ADCY4: variants seen among roughly 807,000 people sequenced by gnomAD.
The protein encoded by ADCY4 is adenylate cyclase 4.
In ADCY4, 111 loss-of-function variants were observed where a neutral mutation model predicts 125.5. The ratio of observed to expected loss-of-function variants is 0.88; its 90% CI spans 0.76 to 1.04. ADCY4 has a LOEUF of 1.04. ADCY4 is among the 50% of genes least tolerant of loss of function. The probability of loss-of-function intolerance (pLI) is 0.00; values close to 1 mark genes in which losing one functional copy is unlikely to be tolerated. For synonymous variants in ADCY4, 576 were observed against 586.9 expected, an observed-to-expected ratio of 0.98 and a Z score of 0.27; for missense variants, 1,256 against 1,382.9, an observed-to-expected ratio of 0.91 and a Z score of 1.46.
At chr14:24,321,037 C>G (rs2041842210) in intron 20 of ADCY4, among the ~76,000 whole-genome samples, 1 of 149,924 alleles carries the variant, frequency 6.7e-6, no homozygotes, top group Admixed American at 6.6e-5. Context: ...TGAAACTGTT[C>G]TACTTCAGAT....
intron 1 of ADCY4, among the ~76,000 whole-genome samples, chr14:24,333,648 A>G (rs2139229883): frequency 6.6e-6 from 1 of 152,348 alleles, no homozygotes; most frequent in African/African-American, 2.4e-5. Flanking sequence ...AGCGTCATGA[A>G]GCAAGTGAAA....
chr14:24,331,474 C>A, intron 4 of ADCY4, 118 bp from the exon 5 acceptor site: 1 of 1,385,416 alleles, frequency 7.2e-7, no homozygotes, highest in Admixed American at 2.1e-5. Flanking sequence ...GGTGCTCCCC[C>A]AGGTCCTCCC....
rs1204864885 is a variant in ADCY4, at chr14:24,319,055, G to A, written c.2956+43C>T. ...ACTTGGAGTGGGGCAAGCTCAGGAA[G>A]GTGAGGAGGTACCAGACTGCTGCAG... On this transcript the variant is annotated intron_variant, in intron 23 of 24. Coordinates refer to ENST00000418030, the MANE Select transcript of ADCY4 (RefSeq NM_001198568.2). The surrounding 1 kb of genome is among the most constrained non-coding windows in gnomAD (Gnocchi z 4.5). The A allele has an allele frequency of 2.5e-6, 4 of 1,603,776 alleles. No individual in the cohort carries two copies. Among genetic ancestry groups the A allele is most frequent in the Non-Finnish European group, 3.4e-6 (4 of 1,171,340 alleles).
In ADCY4 at chr14:24,324,287, C is replaced by T; in HGVS notation, c.1908+20G>A. ...GACCAGGGCTCCGGCATACCACTTC[C>T]ACCCCTCAGCCCACCTCACCATCAG... On this transcript the variant is annotated intron_variant, in intron 15 of 24. Coordinates refer to ENST00000418030, the MANE Select transcript of ADCY4 (RefSeq NM_001198568.2). 2 of 1,614,030 alleles carry T rather than the reference C, an allele frequency of 1.2e-6. No individual in the cohort carries two copies. Among genetic ancestry groups the T allele is most frequent in the Middle Eastern group, 3.3e-4 (2 of 6,062 alleles).
chr14:24,328,141 A>G (rs886262187), intron 10 of ADCY4, among the ~76,000 whole-genome samples: 1 of 150,838 alleles, frequency 6.6e-6, no homozygotes, highest in African/African-American at 2.4e-5. Flanking sequence ...GCATCTGGGA[A>G]GACGCCCGTC....
intron 11 of ADCY4, 41 bp downstream of exon 11, chr14:24,326,258 T>C: frequency 6.2e-7 from 1 of 1,613,740 alleles, no homozygotes; most frequent in South Asian, 1.1e-5. Flanking sequence ...GAGGGGGTCA[T>C]CCAGACAGCC....
intron 5 of ADCY4, 23 bp from the exon 6 acceptor site, chr14:24,331,152 G>T: frequency 6.2e-7 from 1 of 1,612,884 alleles, no homozygotes; most frequent in South Asian, 1.1e-5. Context: ...GACTGTGTCA[G>T]CAGGGCCAGG....
chr14:24,326,121 T>A lies in ADCY4; in HGVS notation c.1613A>T (p.Asp538Val). The A allele has an allele frequency of 6.3e-7, 1 of 1,588,430 alleles. No homozygotes were observed. Among genetic ancestry groups the A allele is most frequent in the Non-Finnish European group, 8.6e-7 (1 of 1,165,040 alleles). The change falls in exon 12 of 25, where the codon GAT becomes GTT. Residue 538 changes from aspartate (D) to valine (V), a missense_variant. Coordinates refer to ENST00000418030, the MANE Select transcript of ADCY4 (RefSeq NM_001198568.2). The part of the protein sequence containing the change: ...RGLDDELDTG[D>V]AKFFQVIEQL... Reference sequence around the variant, plus strand: ...CTCAATGACCTGGAAGAACTTGGCATCCCCGGTGTCCAGTTCATCATCTAG... The same window carrying A: ...CTCAATGACCTGGAAGAACTTGGCAACCCCGGTGTCCAGTTCATCATCTAG...
At chr14:24,333,313 C>A (rs566037262) in intron 1 of ADCY4, among the ~76,000 whole-genome samples, 1 of 152,220 alleles carries the variant, frequency 6.6e-6, no homozygotes, top group East Asian at 1.9e-4. Flanking sequence ...CTCTGCCTCC[C>A]GGGTTCAAGT....
At chr14:24,326,571 T>TTGTGTG (rs71119070) in intron 10 of ADCY4, 4,200 of 278,038 alleles carry the variant, frequency 0.015, 28 homozygotes, top group African/African-American at 0.029. Context: ...CCCAGGATCT[T>TTGTGTG]TGTGTGTGTG....
At chr14:24,325,065 A>G (rs527684370) in intron 14 of ADCY4, among the ~76,000 whole-genome samples, 1 of 152,250 alleles carries the variant, frequency 6.6e-6, no homozygotes, top group East Asian at 1.9e-4. Flanking sequence ...ATGAGGGCCT[A>G]CTTTCTAAGC....
At chr14:24,325,958 A>T in intron 12 of ADCY4, 71 bp from the exon 13 acceptor site, 5 of 1,583,538 alleles carry the variant, frequency 3.2e-6, no homozygotes, top group Non-Finnish European at 4.3e-6. Flanking sequence ...AAGAGGGCAG[A>T]GTGAGGGCAA....
chr14:24,325,955 C>T lies in ADCY4; in HGVS notation c.1656-68G>A. ...AGGGCACAGAAGGGCAGGAAGAGGG[C>T]AGAGTGAGGGCAAGAGGGGGTGGTC... On this transcript the variant is annotated intron_variant, in intron 12 of 24. Coordinates refer to ENST00000418030, the MANE Select transcript of ADCY4 (RefSeq NM_001198568.2). 1.9e-6 allele frequency: 3 copies of T among 1,582,204 alleles called. No individual in the cohort carries two copies. In the African/African-American group the frequency reaches 4.0e-5, roughly 21 times the overall value.
chr14:24,331,448 C>A, intron 4 of ADCY4, 92 bp from the exon 5 acceptor site: 2 of 1,546,494 alleles, frequency 1.3e-6, no homozygotes, highest in Admixed American at 1.8e-5. Flanking sequence ...CACTGCCCAT[C>A]CTAGGTGCTC....
In ADCY4 at chr14:24,334,717, G is replaced by A; in HGVS notation, c.-65C>T. The A allele has an allele frequency of 1.5e-6, 2 of 1,342,162 alleles. No homozygotes were observed. Among genetic ancestry groups the A allele is most frequent in the South Asian group, 1.5e-5 (1 of 68,800 alleles). The allele number at this position is 1,342,162 out of a possible 1,614,324, so 83.1% of individuals were successfully genotyped here. On this transcript the variant is annotated 5_prime_UTR_variant, in exon 1 of 25. Coordinates refer to ENST00000418030, the MANE Select transcript of ADCY4 (RefSeq NM_001198568.2). The stretch of plus-strand genomic sequence containing the variant: ...GGCGCCGGGTTACCTCCTTCGGCCC[G>A]GCGGGCCCCACCTGAGCTTTTCTCA...
Position 24,323,441 on chromosome 14 carries a change from G to A in ADCY4, c.2060C>T (p.Thr687Ile), listed in dbSNP as rs2041888312. 1.3e-6 allele frequency: 2 copies of A among 1,553,760 alleles called. No homozygotes were observed. Among genetic ancestry groups the A allele is most frequent in the Non-Finnish European group, 1.7e-6 (2 of 1,147,856 alleles). Residue 687 changes from threonine to isoleucine, a missense_variant, in exon 17 of 25, where the codon ACA becomes ATA. Transcript: ENST00000418030. Reference protein sequence around the residue: ...MAITSLFFFPTSSDCPFQAPN... With the variant: ...MAITSLFFFPISSDCPFQAPN... ...AGCTTGGAAAGGGCAGTCTGATGAT[G>A]TTGGGAAGAAGAACTGCAGAGGAGA...
rs2042034254 is a variant in ADCY4 at position 24,331,144 on chromosome 14, C to T, written c.819-15G>A. On this transcript the variant is annotated splice_polypyrimidine_tract_variant and intron_variant, in intron 5 of 24. Transcript: ENST00000418030. Reference sequence around the variant, plus strand: ...CATACAGCACGCTGCATAGGGCAGACTGTGTCAGCAGGGCCAGGGTCTTAG... The same window carrying T: ...CATACAGCACGCTGCATAGGGCAGATTGTGTCAGCAGGGCCAGGGTCTTAG... 6.2e-7 allele frequency: 1 copy of T among 1,612,986 alleles called. No homozygotes were observed. Among genetic ancestry groups the T allele is most frequent in the South Asian group, 1.1e-5 (1 of 91,038 alleles).
In ADCY4 at chr14:24,329,427, G is replaced by A. The variant is rs1463484018; in HGVS notation, c.1324C>T (p.Pro442Ser). ...CGTGGATCGATGACCAGATAGGTAG[G>A]CTCCCCTAGCTCCCGAAGGTAGGGG... ...RDPYLRELGE[P>S]TYLVIDPRAE... Residue 442 changes from proline to serine, a missense_variant, in exon 9 of 25, where the codon CCT becomes TCT. By Grantham distance (74) the Pro-to-Ser change is moderately conservative (BLOSUM62 -1). Transcript: ENST00000418030. The A allele has an allele frequency of 1.9e-6, 3 of 1,566,978 alleles. No individual in the cohort carries two copies. The highest frequency in any genetic ancestry group is 1.7e-6 in the Non-Finnish European group (2 of 1,160,188).
intron 13 of ADCY4, 46 bp from the exon 14 acceptor site, chr14:24,325,520 C>G: frequency 6.5e-7 from 1 of 1,535,466 alleles, no homozygotes; most frequent in Non-Finnish European, 9.0e-7. Context: ...CAGTGCTACC[C>G]ATCACCTTGA....
Sources: allele counts gnomAD v4.1 joint callset (sites outside exome capture counted in the v4.1 genomes callset), GRCh38; gene constraint gnomAD v4.1.1; non-coding constraint Gnocchi (gnomAD v3.1); transcripts MANE v1.5; gene names NCBI Gene and HGNC (gene_info 2026-07-23, HGNC 2026-07-21).